The following FAM222A variants were observed in gnomAD, a reference collection of about 807,000 sequenced individuals.
FAM222A encodes the protein protein FAM222A.
In FAM222A, 7 loss-of-function variants were observed where a neutral mutation model predicts 25.8. The ratio of observed to expected loss-of-function variants is 0.27; its 90% CI spans 0.15 to 0.51. The LOEUF is 0.51. Among genes scored for constraint, FAM222A ranks in the 20% least tolerant of loss-of-function variants. The probability of loss-of-function intolerance (pLI) is 0.97; values close to 1 mark genes in which losing one functional copy is unlikely to be tolerated. For missense variants in FAM222A, 573 were observed against 640.5 expected, an observed-to-expected ratio of 0.89 and a Z score of 1.14; for synonymous variants, 294 against 298.8, an observed-to-expected ratio of 0.98 and a Z score of 0.17.
At chr12:109,722,522 A>T (rs565522194) in intron 1 of FAM222A, 28 of 152,080 alleles carry the variant, frequency 1.8e-4, no homozygotes, top group African/African-American at 6.8e-4. Context: ...AATGCTCCTG[A>T]CCTCCCCAGG....
At chr12:109,765,886 C>G (rs927746617) in intron 2 of FAM222A, among the ~76,000 whole-genome samples, 2 of 152,212 alleles carry the variant, frequency 1.3e-5, no homozygotes, top group African/African-American at 2.4e-5. Context: ...TTAATACTCA[C>G]GCTCACAGAA....
chr12:109,735,371 C>A (rs143883522), intron 1 of FAM222A, among the ~76,000 whole-genome samples: 400 of 152,354 alleles, frequency 2.6e-3, no homozygotes, highest in Admixed American at 5.7e-3. Context: ...TCATGTCTTT[C>A]TCCCGGTTGT....
At chr12:109,762,953 C>A (rs1307755279) in intron 2 of FAM222A, among the ~76,000 whole-genome samples, 1 of 152,242 alleles carries the variant, frequency 6.6e-6, no homozygotes, top group Non-Finnish European at 1.5e-5. Context: ...AGCAGCTCCC[C>A]CAAGCCCATC....
chr12:109,737,084 T>C (rs575542340), intron 1 of FAM222A, among the ~76,000 whole-genome samples: 8 of 152,228 alleles, frequency 5.3e-5, no homozygotes, highest in African/African-American at 1.9e-4. Flanking sequence ...ATTATGTACC[T>C]TGTATGTCTT....
At chr12:109,731,075 C>G (rs1887938389) in intron 1 of FAM222A, among the ~76,000 whole-genome samples, 1 of 152,066 alleles carries the variant, frequency 6.6e-6, no homozygotes, top group Non-Finnish European at 1.5e-5. Context: ...GTGGCTTACT[C>G]AAGACAGCCC....
chr12:109,727,080 C>T (rs1228031938), intron 1 of FAM222A, among the ~76,000 whole-genome samples: 1 of 152,072 alleles, frequency 6.6e-6, no homozygotes, highest in East Asian at 1.9e-4. Context: ...CCCTCCTAGC[C>T]CCCTCCCTGT....
rs150422453 is a variant in FAM222A at position 109,738,385 on chromosome 12, C to T, written c.-46-5716C>T. Among the ~76,000 whole-genome samples the T allele has an allele frequency of 7.0e-4, 107 of 152,310 alleles. No individual in the cohort carries two copies. The East Asian group carries it at 0.02, about 29-fold the overall frequency. On this transcript the variant is annotated intron_variant, in intron 1 of 2. Coordinates refer to ENST00000538780, the MANE Select transcript of FAM222A (RefSeq NM_032829.3). ...CCAATCCAGCATTCATTCTCTTCCC[C>T]GGGCCCTGGGCCTCTCACCACCATT...
At chr12:109,740,000 C>T (rs1208675812) in intron 1 of FAM222A, among the ~76,000 whole-genome samples, 1 of 152,190 alleles carries the variant, frequency 6.6e-6, no homozygotes, top group African/African-American at 2.4e-5. Flanking sequence ...CCCGTGGGCT[C>T]CCTGACGCCC....
rs748407586 is a variant in FAM222A at position 109,768,139 on chromosome 12, C to G, written c.210C>G (p.Pro70=). ...TCTTCCCCACCAACATCCGTGTGCC[C>G]CAGCACAAGCACCTCAGCCGCACAG... The part of the protein sequence containing the change: ...IKIFPTNIRV[P]QHKHLSRTVN... The change falls in exon 3 of 3, where the codon CCC becomes CCG. Residue 70 remains proline, a synonymous_variant. Transcript: ENST00000538780. 6.2e-7 allele frequency: 1 copy of G among 1,614,020 alleles called. No homozygotes were observed. The highest frequency in any genetic ancestry group is 8.5e-7 in the Non-Finnish European group (1 of 1,180,028).
chr12:109,719,076 A>G (rs1274940410), intron 1 of FAM222A, among the ~76,000 whole-genome samples: 3 of 152,224 alleles, frequency 2.0e-5, no homozygotes, highest in Non-Finnish European at 4.4e-5. Context: ...CCCAGACCAC[A>G]CAGCCAATGT....
intron 1 of FAM222A, among the ~76,000 whole-genome samples, chr12:109,717,018 T>C (rs1887658240): frequency 6.6e-6 from 1 of 152,232 alleles, no homozygotes. Flanking sequence ...TGAATTGCCC[T>C]CCTGGCTCCA....
At chr12:109,745,033 T>C (rs1888358466) in intron 2 of FAM222A, among the ~76,000 whole-genome samples, 1 of 152,216 alleles carries the variant, frequency 6.6e-6, no homozygotes, top group Admixed American at 6.5e-5. Flanking sequence ...TTTTTTTCTT[T>C]TAAATATTTA....
chr12:109,768,510 C>G lies in FAM222A; in HGVS notation c.581C>G (p.Ser194Cys). 1 of 1,606,100 alleles carries G rather than the reference C, an allele frequency of 6.2e-7. No homozygotes were observed. The highest frequency in any genetic ancestry group is 1.3e-5 in the African/African-American group (1 of 74,962). The change falls in exon 3 of 3, where the codon TCC becomes TGC. Residue 194 changes from serine to cysteine, a missense_variant. Ser to Cys is a moderately radical substitution (Grantham distance 112). Coordinates refer to ENST00000538780, the MANE Select transcript of FAM222A (RefSeq NM_032829.3). The part of the protein sequence containing the change: ...LPGRGLPLPP[S>C]NLPSIHSLLY... ...GGCCGGGGCCTGCCCCTGCCACCTT[C>G]CAACCTGCCCTCCATCCACAGCCTC...
chr12:109,764,344 C>T (rs1257984170), intron 2 of FAM222A, among the ~76,000 whole-genome samples: 1 of 152,162 alleles, frequency 6.6e-6, no homozygotes, highest in African/African-American at 2.4e-5. Flanking sequence ...CTCAATGAGC[C>T]CTGTTGACCA....
At chr12:109,745,326 C>G (rs1410050167) in intron 2 of FAM222A, among the ~76,000 whole-genome samples, 1 of 152,238 alleles carries the variant, frequency 6.6e-6, no homozygotes, top group Non-Finnish European at 1.5e-5. Flanking sequence ...ATAGTTTTCT[C>G]TAGCAGGGGT....
rs1889120887 is a variant in FAM222A at position 109,768,320 on chromosome 12, G to A, written c.391G>A (p.Gly131Ser). ...CAAAAGTGTGCTCAAGAGCGCCGAGGGCAAGCGGACCAAGCTGTCACCGGC... is the reference window on the plus strand; with the variant it reads ...CAAAAGTGTGCTCAAGAGCGCCGAGAGCAAGCGGACCAAGCTGTCACCGGC... ...PAKSVLKSAE[G>S]KRTKLSPAAV... The change falls in exon 3 of 3, where the codon GGC becomes AGC. Residue 131 changes from glycine to serine, a missense_variant. Coordinates refer to ENST00000538780, the MANE Select transcript of FAM222A (RefSeq NM_032829.3). 6.2e-7 allele frequency: 1 copy of A among 1,603,508 alleles called. No homozygotes were observed. Among genetic ancestry groups the A allele is most frequent in the East Asian group, 2.3e-5 (1 of 44,424 alleles).
intron 2 of FAM222A, among the ~76,000 whole-genome samples, chr12:109,751,192 C>G (rs1888550091): frequency 6.6e-6 from 1 of 151,598 alleles, no homozygotes. Context: ...TTCTCCTGTG[C>G]TCATTCTATA....
intron 2 of FAM222A, among the ~76,000 whole-genome samples, chr12:109,762,794 C>A (rs2136381546): frequency 6.6e-6 from 1 of 152,312 alleles, no homozygotes; most frequent in South Asian, 2.1e-4. Context: ...CTTCAGGGAA[C>A]AAGATGTAAA....
chr12:109,717,318 G>T (rs534838769), intron 1 of FAM222A, among the ~76,000 whole-genome samples: 1 of 152,206 alleles, frequency 6.6e-6, no homozygotes, highest in Non-Finnish European at 1.5e-5. Context: ...CTTGAAACTC[G>T]CTCCTTGTCA....
Sources: allele counts gnomAD v4.1 joint callset (sites outside exome capture counted in the v4.1 genomes callset), GRCh38; gene constraint gnomAD v4.1.1; transcripts MANE v1.5; gene names NCBI Gene and HGNC (gene_info 2026-07-23, HGNC 2026-07-21).